ATP9B: variants seen among roughly 807,000 people sequenced by gnomAD.
ATP9B encodes the protein probable phospholipid-transporting ATPase IIB.
A neutral mutation model predicts 146.1 loss-of-function variants in ATP9B; 110 were observed. That is an observed-to-expected ratio of 0.75 (90% CI 0.65 to 0.88). The LOEUF (loss-of-function observed/expected upper bound fraction) is 0.88, where lower values mean the gene tolerates loss of function less well. ATP9B is among the 40% of genes least tolerant of loss of function. The pLI, the probability that ATP9B is intolerant of heterozygous loss-of-function variation, is 0.00. For missense variants in ATP9B, 1,499 were observed against 1,496.4 expected (o/e 1.00, Z -0.03); for synonymous variants, 604 against 569.7 (o/e 1.06, Z -0.86).
intron 11 of ATP9B, among the ~76,000 whole-genome samples, chr18:79,226,096 T>C (rs1366610598): frequency 6.6e-6 from 1 of 152,240 alleles, no homozygotes; most frequent in African/African-American, 2.4e-5. Context: ...TTCAAGCTCC[T>C]GTCATTTCTC....
intron 13 of ATP9B, among the ~76,000 whole-genome samples, chr18:79,288,777 G>A (rs1405131207): frequency 6.6e-6 from 1 of 152,148 alleles, no homozygotes; most frequent in Non-Finnish European, 1.5e-5. Context: ...CATGTTTAGT[G>A]CATCCTTCAG....
intron 2 of ATP9B, among the ~76,000 whole-genome samples, chr18:79,106,142 G>T (rs2075635534): frequency 6.6e-6 from 1 of 152,160 alleles, no homozygotes. Context: ...AGTTTCAGCT[G>T]GACTTGATGA....
At chr18:79,319,382 A>G (rs1197979452) in intron 15 of ATP9B, among the ~76,000 whole-genome samples, 2 of 151,916 alleles carry the variant, frequency 1.3e-5, no homozygotes, top group Non-Finnish European at 2.9e-5. Flanking sequence ...CTCCTGGCTA[A>G]TGTGAGTGAA....
At chr18:79,362,865 T>C (rs960376989) in intron 26 of ATP9B, 3 of 152,250 alleles carry the variant, frequency 2.0e-5, no homozygotes, top group African/African-American at 7.2e-5. Context: ...CTTCATGAAA[T>C]CTCTGGTGCC....
intron 15 of ATP9B, among the ~76,000 whole-genome samples, chr18:79,312,645 A>C (rs1271421340): frequency 6.6e-6 from 1 of 152,222 alleles, no homozygotes; most frequent in African/African-American, 2.4e-5. Flanking sequence ...CTGTGTGGGA[A>C]GATGGTGCGG....
At chr18:79,072,965 C>T (rs147670682) in intron 1 of ATP9B, among the ~76,000 whole-genome samples, 2 of 151,614 alleles carry the variant, frequency 1.3e-5, no homozygotes, top group Admixed American at 6.6e-5. Flanking sequence ...GGCGGCCGGG[C>T]AGAGACGCTC....
intron 10 of ATP9B, among the ~76,000 whole-genome samples, chr18:79,207,912 A>G (rs2095549224): frequency 6.6e-6 from 1 of 152,124 alleles, no homozygotes; most frequent in African/African-American, 2.4e-5. Flanking sequence ...GCTAAGTATC[A>G]CCAACACGTA....
intron 5 of ATP9B, among the ~76,000 whole-genome samples, chr18:79,139,581 C>G (rs1203084670): frequency 6.6e-6 from 1 of 152,110 alleles, no homozygotes; most frequent in Non-Finnish European, 1.5e-5. Flanking sequence ...TATTTGTGGG[C>G]TACATGAGAT....
intron 2 of ATP9B, among the ~76,000 whole-genome samples, chr18:79,100,509 A>T (rs1283706561): frequency 6.6e-6 from 1 of 152,136 alleles, no homozygotes; most frequent in African/African-American, 2.4e-5. Context: ...CTTTGTGAAG[A>T]CTTGTCTAAT....
intron 11 of ATP9B, among the ~76,000 whole-genome samples, chr18:79,249,016 T>G (rs2095996930): frequency 6.6e-6 from 1 of 151,760 alleles, no homozygotes. Context: ...AATTTTGAGA[T>G]GGTTTGAAGT....
intron 9 of ATP9B, among the ~76,000 whole-genome samples, chr18:79,196,243 G>A (rs2095416732): frequency 6.6e-6 from 1 of 152,184 alleles, no homozygotes; most frequent in Non-Finnish European, 1.5e-5. Context: ...GCAGTCTCAA[G>A]CATACAGAGT....
chr18:79,187,246 C>A (rs999323477), intron 8 of ATP9B, among the ~76,000 whole-genome samples: 1 of 152,176 alleles, frequency 6.6e-6, no homozygotes, highest in African/African-American at 2.4e-5. Context: ...ATGTGACTGA[C>A]GCACCTTAAA....
intron 7 of ATP9B, among the ~76,000 whole-genome samples, chr18:79,156,240 G>A (rs1375458568): frequency 1.3e-5 from 2 of 152,130 alleles, no homozygotes; most frequent in Non-Finnish European, 2.9e-5. Flanking sequence ...GGGACTGGCT[G>A]GCTACTTCCA....
chr18:79,157,294 A>G lies in ATP9B; in HGVS notation c.778+2739A>G, dbSNP rs562923846. 4.7e-5 allele frequency among the ~76,000 whole-genome samples: 7 copies of G among 149,774 alleles called. No individual in the cohort carries two copies. In the East Asian group the frequency reaches 1.4e-3, roughly 30 times the overall value. ...GCCTATAATTCTAGCTACTCAGGAC[A>G]CTGAGGCAGGAGAATCACTTGAACC... On this transcript the variant is annotated intron_variant, in intron 7 of 29. Transcript: ENST00000426216.
At position 79,216,541 on chromosome 18, in the gene ATP9B, T is replaced by C. The variant is rs1278741860; in HGVS notation, c.1107+2503T>C. ...TTTCTATAAAAGGAAAGGTTTTCAGTGTGGTAATTTTTCAGCCCTACCCTG... is the reference window on the plus strand; with the variant it reads ...TTTCTATAAAAGGAAAGGTTTTCAGCGTGGTAATTTTTCAGCCCTACCCTG... On this transcript the variant is annotated intron_variant, in intron 11 of 29. Transcript: ENST00000426216. Among the ~76,000 whole-genome samples the C allele has an allele frequency of 3.9e-5, 6 of 152,340 alleles. No homozygotes were observed. The South Asian group carries it at 6.2e-4, about 16-fold the overall frequency.
At chr18:79,244,456 A>G (rs2095921991) in intron 11 of ATP9B, among the ~76,000 whole-genome samples, 2 of 152,168 alleles carry the variant, frequency 1.3e-5, no homozygotes, top group South Asian at 4.2e-4. Context: ...AGCTCCTTGA[A>G]AAGAGTTCAA....
intron 26 of ATP9B, among the ~76,000 whole-genome samples, chr18:79,365,333 A>T: frequency 6.6e-6 from 1 of 152,298 alleles, no homozygotes; most frequent in East Asian, 1.9e-4. Context: ...GTGCTAGAAC[A>T]GCCGAAATAC....
At chr18:79,363,914 C>T (rs940286801) in intron 26 of ATP9B, 1 of 151,840 alleles carries the variant, frequency 6.6e-6, no homozygotes, top group Non-Finnish European at 1.5e-5. Flanking sequence ...CATTGACAAG[C>T]TCACTCTAGA....
At chr18:79,327,298 A>G (rs1026921342) in intron 15 of ATP9B, among the ~76,000 whole-genome samples, 19 of 152,200 alleles carry the variant, frequency 1.2e-4, no homozygotes, top group African/African-American at 4.3e-4. Flanking sequence ...GTTTAAGAAG[A>G]GGACTCACCC....
Sources: allele counts gnomAD v4.1 joint callset (sites outside exome capture counted in the v4.1 genomes callset), GRCh38; gene constraint gnomAD v4.1.1; transcripts MANE v1.5; gene names NCBI Gene and HGNC (gene_info 2026-07-23, HGNC 2026-07-21).